The following TMEM209 variants were observed in gnomAD, a reference collection of about 807,000 sequenced individuals.
The protein encoded by TMEM209 is testicular tissue protein Li 202.
Under a neutral mutation model 76.2 loss-of-function variants are expected in TMEM209, and 65 were observed. The observed-to-expected ratio is 0.85, with a 90% CI of 0.70 to 1.05. The LOEUF (loss-of-function observed/expected upper bound fraction) is 1.05, where lower values mean the gene tolerates loss of function less well. Among genes scored for constraint, TMEM209 ranks in the 50% least tolerant of loss-of-function variants. TMEM209 has a pLI of 0.00. For synonymous variants in TMEM209, 239 were observed against 237.6 expected (o/e 1.01, Z -0.06); for missense variants, 623 against 685.5 (o/e 0.91, Z 1.02).
intron 5 of TMEM209, among the ~76,000 whole-genome samples, chr7:130,200,141 TTC>T (rs375626636): frequency 1.3e-5 from 2 of 150,914 alleles, no homozygotes; most frequent in Admixed American, 6.6e-5. Context: ...CATTTAAAGT[TTC>T]TCTCTCTCTA....
At chr7:130,181,434 G>A (rs1463123791) in intron 9 of TMEM209, among the ~76,000 whole-genome samples, 189 bp downstream of exon 9, 2 of 152,130 alleles carry the variant, frequency 1.3e-5, no homozygotes, top group Non-Finnish European at 2.9e-5. Context: ...TTTTAAATGG[G>A]TAAATTATAT....
In TMEM209 at chr7:130,173,914, T is replaced by C; in HGVS notation, c.1370A>G (p.Tyr457Cys). The C allele has an allele frequency of 6.2e-7, 1 of 1,613,506 alleles. No homozygotes were observed. Residue 457 changes from tyrosine to cysteine, a missense_variant, in exon 12 of 15, where the codon TAC (tyrosine) becomes TGC (cysteine). By Grantham distance (194) the Tyr-to-Cys change is radical. Coordinates refer to ENST00000397622, the MANE Select transcript of TMEM209 (RefSeq NM_032842.4). ...ATGTGGAGGTAATCTGGAATCAAGG[T>C]AGGTGCAAAATACATGCATGATGAT... ...SAIIMHVFCT[Y>C]LDSRLPPHPK... is the part of the protein sequence containing the mutation.
rs377705134 is a variant in TMEM209, at chr7:130,192,625, G to T, written c.772C>A (p.Leu258Met). 6.2e-7 allele frequency: 1 copy of T among 1,613,226 alleles called. No homozygotes were observed. Among genetic ancestry groups the T allele is most frequent in the East Asian group, 2.2e-5 (1 of 44,874 alleles). Residue 258 changes from leucine (L) to methionine (M), a missense_variant, in exon 6 of 15, where the codon CTG becomes ATG. By Grantham distance (15) the Leu-to-Met change is conservative. Transcript: ENST00000397622. ...ATATACAGAAATATATATGTACCCA[G>T]CTTAACCCTATGCTGTTTCTCCTCT... ...SEEEKQHRVKLGSPDSTSPSS... is the reference protein window; with the variant it reads ...SEEEKQHRVKMGSPDSTSPSS...
chr7:130,199,320 C>T lies in TMEM209; in HGVS notation c.573+2530G>A, dbSNP rs143402101. Among the ~76,000 whole-genome samples the T allele has an allele frequency of 3.6e-3, 551 of 152,186 alleles. 4 individuals carry two copies. The highest frequency in any genetic ancestry group is 0.013 in the African/African-American group (537 of 41,524). On this transcript the variant is annotated intron_variant, in intron 5 of 14. Coordinates refer to ENST00000397622, the MANE Select transcript of TMEM209 (RefSeq NM_032842.4). ...GAAAGCTCCGCCTTCCTGGTTCACG[C>T]CATTCTCCTGCCTCAGCCTCCCGAG...
Position 130,170,435 on chromosome 7 carries a change from G to C in TMEM209, c.1596C>G (p.Leu532=). The C allele has an allele frequency of 4.3e-6, 7 of 1,613,140 alleles. No individual in the cohort carries two copies. The highest frequency in any genetic ancestry group is 5.9e-6 in the Non-Finnish European group (7 of 1,179,696). The change falls in exon 14 of 15, where the codon CTC becomes CTG. Residue 532 remains leucine (L), a synonymous_variant. Coordinates refer to ENST00000397622, the MANE Select transcript of TMEM209 (RefSeq NM_032842.4). The part of the protein sequence containing the change: ...NNMFHTLLMF[L]YIIKTKESGM... ...CTGACTCTTTGGTCTTTATGATGTAGAGAAACATCAACAATGTATGAAACA... is the reference window on the plus strand; with the variant it reads ...CTGACTCTTTGGTCTTTATGATGTACAGAAACATCAACAATGTATGAAACA...
In TMEM209 at chr7:130,203,849, G is replaced by GA. The variant is rs35299461; in HGVS notation, c.141-4dup. ...ATGAACTAATCAATTTTCCAGTCCT[G>GA]AAAAAAAATTAGAAAGGCTTTCCAG... On this transcript the variant is annotated splice_region_variant and splice_polypyrimidine_tract_variant and intron_variant, in intron 2 of 14. Transcript: ENST00000397622. The GA allele has an allele frequency of 0.23, 367,523 of 1,592,792 alleles. 44,033 individuals carry two copies. The highest frequency in any genetic ancestry group is 0.38 in the East Asian group (16,708 of 44,522).
chr7:130,172,517 T>G (rs1797103499), intron 13 of TMEM209, among the ~76,000 whole-genome samples: 1 of 152,078 alleles, frequency 6.6e-6, no homozygotes, highest in Admixed American at 6.6e-5. Flanking sequence ...TAATTTTTTT[T>G]GTATTTTTAG....
intron 6 of TMEM209, among the ~76,000 whole-genome samples, chr7:130,187,256 A>G (rs1373065926): frequency 1.3e-5 from 2 of 151,594 alleles, no homozygotes; most frequent in Non-Finnish European, 2.9e-5. Context: ...AACAAAAAAA[A>G]CCTCGATCTC....
intron 6 of TMEM209, among the ~76,000 whole-genome samples, chr7:130,187,615 A>G (rs779476793): frequency 2.0e-5 from 3 of 151,772 alleles, no homozygotes; most frequent in Non-Finnish European, 4.4e-5. Flanking sequence ...ACCAGGAGAT[A>G]ATGAAAGCTT....
intron 2 of TMEM209, 46 bp from the exon 3 acceptor site, chr7:130,203,892 A>C (rs1038226550): frequency 8.2e-6 from 13 of 1,591,204 alleles, no homozygotes; most frequent in Non-Finnish European, 1.1e-5. Context: ...AAAAACACCA[A>C]AAATCAAAAA....
At chr7:130,171,677 A>G (rs777670274) in intron 13 of TMEM209, among the ~76,000 whole-genome samples, 3 of 152,202 alleles carry the variant, frequency 2.0e-5, no homozygotes, top group Non-Finnish European at 4.4e-5. Flanking sequence ...ATTTCTTAGT[A>G]AAGATGCTGG....
intron 13 of TMEM209, among the ~76,000 whole-genome samples, chr7:130,171,773 T>C (rs1056464621): frequency 4.6e-5 from 7 of 152,188 alleles, no homozygotes; most frequent in Admixed American, 2.0e-4. Flanking sequence ...ATGCCTGTTA[T>C]CATCCCAGCA....
intron 14 of TMEM209, among the ~76,000 whole-genome samples, chr7:130,169,335 G>C (rs1796984651): frequency 6.6e-6 from 1 of 151,872 alleles, no homozygotes; most frequent in Admixed American, 6.6e-5. Flanking sequence ...AATACAATAT[G>C]ATATGAACTG....
At chr7:130,172,032 C>CA (rs1797086970) in intron 13 of TMEM209, among the ~76,000 whole-genome samples, 1 of 151,016 alleles carries the variant, frequency 6.6e-6, no homozygotes, top group Non-Finnish European at 1.5e-5. Flanking sequence ...GACTCTGTCT[C>CA]AAAAAAAGAG....
chr7:130,177,382 T>C (rs1378654730), intron 10 of TMEM209, among the ~76,000 whole-genome samples: 1 of 151,160 alleles, frequency 6.6e-6, no homozygotes. Context: ...AATTGTATTC[T>C]GGTTATGTAT....
Position 130,203,844 on chromosome 7 carries a change from G to C in TMEM209, c.143C>G (p.Thr48Ser). 4 of 1,590,820 alleles carry C rather than the reference G, an allele frequency of 2.5e-6. No homozygotes were observed. The highest frequency in any genetic ancestry group is 3.4e-6 in the Non-Finnish European group (4 of 1,170,530). The change falls in exon 3 of 15, where the codon ACT (threonine) becomes AGT (serine). Residue 48 changes from threonine (T) to serine (S), a missense_variant and splice_region_variant. By Grantham distance (58) the Thr-to-Ser change is moderately conservative. Transcript: ENST00000397622. ...GTAGTATGAACTAATCAATTTTCCA[G>C]TCCTGAAAAAAAATTAGAAAGGCTT... is the stretch of plus-strand genomic sequence containing the variant. The part of the protein sequence containing the change: ...SMAGMIYTEM[T>S]GKLISSYYNV...
At chr7:130,187,054 CCAACATGGT>C (rs565615923) in intron 6 of TMEM209, among the ~76,000 whole-genome samples, 10 of 152,092 alleles carry the variant, frequency 6.6e-5, no homozygotes, top group Non-Finnish European at 1.3e-4. Context: ...ACAAGCCTGG[CCAACATGGT>C]GAAACCCTGT....
chr7:130,202,367 A>C lies in TMEM209; in HGVS notation c.331+165T>G, dbSNP rs78528440. Among the ~76,000 whole-genome samples the C allele has an allele frequency of 0.015, 2,287 of 152,380 alleles. 48 individuals carry two copies. Among genetic ancestry groups the C allele is most frequent in the African/African-American group, 0.052 (2,176 of 41,588 alleles). On this transcript the variant is annotated intron_variant, in intron 4 of 14. Transcript: ENST00000397622. Reference sequence around the variant, plus strand: ...AAACTTCCATGAAATAGCTGAATGTATACAAGTAGGAATGATAATCATTGG... The same window carrying C: ...AAACTTCCATGAAATAGCTGAATGTCTACAAGTAGGAATGATAATCATTGG...
intron 5 of TMEM209, chr7:130,199,968 T>C (rs1798128723): frequency 6.6e-6 from 1 of 152,066 alleles, no homozygotes; most frequent in Non-Finnish European, 1.5e-5. Flanking sequence ...AAAAATAATT[T>C]ATAATATTGG....
Sources: allele counts gnomAD v4.1 joint callset (sites outside exome capture counted in the v4.1 genomes callset), GRCh38; gene constraint gnomAD v4.1.1; transcripts MANE v1.5; gene names NCBI Gene and HGNC (gene_info 2026-07-23, HGNC 2026-07-21).